Variants in NOA1 observed in about 807,000 individuals in gnomAD.
NOA1 encodes nitric oxide associated 1.
NOA1 carries 35 observed loss-of-function variants against 58.4 expected under a neutral mutation model. The ratio of observed to expected loss-of-function variants is 0.60; its 90% CI spans 0.46 to 0.79. The LOEUF is 0.79. NOA1 is among the 30% of genes least tolerant of loss of function. The probability of loss-of-function intolerance (pLI) is 0.00; values close to 1 mark genes in which losing one functional copy is unlikely to be tolerated. For missense variants in NOA1, 895 were observed against 894.6 expected, an observed-to-expected ratio of 1.00 and a Z score of -0.01; for synonymous variants, 397 against 373.4, an observed-to-expected ratio of 1.06 and a Z score of -0.73.
At chr4:56,976,385 C>A in intron 1 of NOA1, 57 bp downstream of exon 1, 1 of 1,501,898 alleles carries the variant, frequency 6.7e-7, no homozygotes, top group East Asian at 2.3e-5. Context: ...GTGCCTCGGC[C>A]AGGACCAGAC....
intron 1 of NOA1, 66 bp from the exon 2 acceptor site, chr4:56,974,088 G>GCAACTACC: frequency 9.7e-7 from 1 of 1,026,258 alleles, no homozygotes; most frequent in Non-Finnish European, 1.4e-6. Flanking sequence ...GAACATTTTT[G>GCAACTACC]AGGATCTACA....
At position 56,968,414 on chromosome 4, in the gene NOA1, CA is replaced by C; in HGVS notation, c.1616del (p.Leu539TrpfsTer4). Reference protein sequence around the residue: ...FVLKPGMVLFLGAIGRIDFLQ... With the variant: ...FVLKPGMVLFXGAIGRIDFLQ... ...GGAAATCTATGCGGCCTATAGCACCCAAAAACAGAACCATTCCTGGTTTAAG... is the reference window on the plus strand; with the variant it reads ...GGAAATCTATGCGGCCTATAGCACCCAAAACAGAACCATTCCTGGTTTAAG... On this transcript the variant is annotated frameshift_variant, in exon 4 of 7. Coordinates refer to ENST00000264230, the MANE Select transcript of NOA1 (RefSeq NM_032313.4). LOFTEE classifies it high-confidence loss of function. 6.2e-7 allele frequency: 1 copy of C among 1,612,726 alleles called. No homozygotes were observed. Among genetic ancestry groups the C allele is most frequent in the South Asian group, 1.1e-5 (1 of 90,454 alleles).
intron 5 of NOA1, 27 bp downstream of exon 5, chr4:56,966,593 C>A (rs775282099): frequency 6.7e-6 from 9 of 1,346,146 alleles, no homozygotes; most frequent in East Asian, 2.3e-5. Context: ...CTAACCATAA[C>A]CATGCAATCA....
chr4:56,973,651 T>C (rs558585334), intron 2 of NOA1, among the ~76,000 whole-genome samples: 1 of 152,156 alleles, frequency 6.6e-6, no homozygotes, highest in Non-Finnish European at 1.5e-5. Flanking sequence ...AATCTAAAGC[T>C]GCTGCATGGA....
intron 1 of NOA1, among the ~76,000 whole-genome samples, chr4:56,974,904 T>G (rs1721873179): frequency 6.6e-6 from 1 of 151,938 alleles, no homozygotes; most frequent in African/African-American, 2.4e-5. Context: ...AGTTTCACCA[T>G]GTGGGCAGGT....
chr4:56,964,499 C>T lies in NOA1; in HGVS notation c.1792G>A (p.Ala598Thr). 1.2e-6 allele frequency: 2 copies of T among 1,613,876 alleles called. No homozygotes were observed. ...QIPMGGKERM[A>T]GFPPLVAEDI... ...TCAGCAACAAGAGGAGGAAATCCTG[C>T]CATTCGTTCTTTTCCACCCATTGGA... Residue 598 changes from alanine (A) to threonine (T), a missense_variant, in exon 6 of 7, where the codon GCA becomes ACA. Around this residue, in one of 3 missense-constraint regions of NOA1, gnomAD observed 212 missense variants for 221.3 expected, o/e 0.96. Coordinates refer to ENST00000264230, the MANE Select transcript of NOA1 (RefSeq NM_032313.4).
At chr4:56,974,555 G>A (rs931205506) in intron 1 of NOA1, among the ~76,000 whole-genome samples, 1 of 151,892 alleles carries the variant, frequency 6.6e-6, no homozygotes, top group African/African-American at 2.4e-5. Context: ...GGGAGGCTGA[G>A]GCAGGAGAAT....
At chr4:56,967,410 A>G (rs1302613851) in intron 4 of NOA1, among the ~76,000 whole-genome samples, 2 of 151,974 alleles carry the variant, frequency 1.3e-5, no homozygotes, top group Non-Finnish European at 2.9e-5. Context: ...CAAAAAAACA[A>G]AAAACCAACC....
Position 56,976,724 on chromosome 4 carries a change from G to C in NOA1, c.862C>G (p.Arg288Gly). 1 of 1,612,234 alleles carries C rather than the reference G, an allele frequency of 6.2e-7. No individual in the cohort carries two copies. The highest frequency in any genetic ancestry group is 1.1e-5 in the South Asian group (1 of 91,032). Residue 288 changes from arginine to glycine, a missense_variant, in exon 1 of 7, where the codon CGC (arginine) becomes GGC (glycine). Physicochemically the swap from Arg to Gly is moderately radical, Grantham distance 125 (BLOSUM62 -2). This residue lies in a region of NOA1 where 680 missense variants were observed against 656.5 expected (regional missense o/e 1.04). Transcript: ENST00000264230. The stretch of plus-strand genomic sequence containing the variant: ...TCCTGTGGCTCGTCCTTGACGGGGC[G>C]CTGTGGCCCTTGGTGGCCAGGGGCC... ...LLAPGHQGPQRPVKDEPQDGE... is the reference protein window; with the variant it reads ...LLAPGHQGPQGPVKDEPQDGE...
intron 6 of NOA1, 59 bp downstream of exon 6, chr4:56,964,347 G>A: frequency 2.5e-6 from 4 of 1,605,856 alleles, no homozygotes; most frequent in South Asian, 2.2e-5. Flanking sequence ...GATTACAGGT[G>A]TGAGCCACCG....
At chr4:56,975,972 G>C (rs2109621835) in intron 1 of NOA1, among the ~76,000 whole-genome samples, 1 of 152,220 alleles carries the variant, frequency 6.6e-6, no homozygotes, top group African/African-American at 2.4e-5. Flanking sequence ...ACTTGAACCC[G>C]GGAGGCGGAG....
chr4:56,974,812 C>A (rs1387975750), intron 1 of NOA1, among the ~76,000 whole-genome samples: 1 of 151,734 alleles, frequency 6.6e-6, no homozygotes, highest in Non-Finnish European at 1.5e-5. Context: ...AGCGATTCTT[C>A]ACCCTCAGCC....
intron 1 of NOA1, 101 bp from the exon 2 acceptor site, chr4:56,974,123 A>G: frequency 1.3e-6 from 1 of 784,972 alleles, no homozygotes; most frequent in Non-Finnish European, 2.0e-6. Flanking sequence ...GTAATAAAAT[A>G]TAAAATTACT....
Position 56,977,579 on chromosome 4 carries a change from G to T in NOA1, c.7C>A (p.Pro3Thr), listed in dbSNP as rs1209334479. 3.2e-6 allele frequency: 5 copies of T among 1,581,734 alleles called. No individual in the cohort carries two copies. The highest frequency in any genetic ancestry group is 4.3e-6 in the Non-Finnish European group (5 of 1,162,760). Residue 3 changes from proline (P) to threonine (T), a missense_variant, in exon 1 of 7, where the codon CCC becomes ACC. Pro to Thr is a conservative substitution (Grantham distance 38). Coordinates refer to ENST00000264230, the MANE Select transcript of NOA1 (RefSeq NM_032313.4). ML[P>T]ARLPFRLLSL... is the part of the protein sequence containing the mutation. ...AGCAGCCTGAACGGTAGGCGAGCGG[G>T]CAGCATGAGGAAGTAGCTCCAAAGG...
chr4:56,967,835 T>C (rs1382285012), intron 4 of NOA1, among the ~76,000 whole-genome samples: 2 of 152,098 alleles, frequency 1.3e-5, no homozygotes, highest in Admixed American at 1.3e-4. Context: ...CCAAGCTGTG[T>C]AGGGTACTCA....
Position 56,976,745 on chromosome 4 carries a change from G to C in NOA1, c.841C>G (p.Pro281Ala). The C allele has an allele frequency of 6.2e-7, 1 of 1,610,660 alleles. No individual in the cohort carries two copies. Among genetic ancestry groups the C allele is most frequent in the Non-Finnish European group, 8.5e-7 (1 of 1,178,114 alleles). The change falls in exon 1 of 7, where the codon CCT becomes GCT. Residue 281 changes from proline to alanine, a missense_variant. Pro to Ala is a conservative substitution (Grantham distance 27). Transcript: ENST00000264230. Reference sequence around the variant, plus strand: ...GGGCGCTGTGGCCCTTGGTGGCCAGGGGCCAGCAGGAGCCCGGCGCGGGCA... The same window carrying C: ...GGGCGCTGTGGCCCTTGGTGGCCAGCGGCCAGCAGGAGCCCGGCGCGGGCA... Reference protein sequence around the residue: ...DCARAGLLLAPGHQGPQRPVK... With the variant: ...DCARAGLLLAAGHQGPQRPVK...
At chr4:56,974,106 G>A in intron 1 of NOA1, 84 bp from the exon 2 acceptor site, 2 of 924,522 alleles carry the variant, frequency 2.2e-6, no homozygotes, top group Non-Finnish European at 3.3e-6. Context: ...ACACTGTGTT[G>A]GTTACTGTAA....
At chr4:56,969,513 G>C (rs1721776994) in intron 3 of NOA1, among the ~76,000 whole-genome samples, 1 of 152,076 alleles carries the variant, frequency 6.6e-6, no homozygotes, top group South Asian at 2.1e-4. Context: ...CGGAGGTTGT[G>C]GTGAGCCGAG....
In NOA1 at chr4:56,977,168, TC is replaced by T. The variant is rs966496097; in HGVS notation, c.417del (p.Asn140ThrfsTer57). On this transcript the variant is annotated frameshift_variant, in exon 1 of 7. Coordinates refer to ENST00000264230, the MANE Select transcript of NOA1 (RefSeq NM_032313.4). LOFTEE classifies it high-confidence loss of function. Reference sequence around the variant, plus strand: ...AGCTCTGCCCCACAGCCCGAGCAGTTCACGCCGCTGGGCGGCAATGCCGGGT... The same window carrying T: ...AGCTCTGCCCCACAGCCCGAGCAGTTACGCCGCTGGGCGGCAATGCCGGGT... ...HPDPALPPSG[V>X]NCSGCGAELH... The T allele has an allele frequency of 5.1e-6, 8 of 1,559,522 alleles. No individual in the cohort carries two copies. Among genetic ancestry groups the T allele is most frequent in the Non-Finnish European group, 6.9e-6 (8 of 1,156,532 alleles).
Sources: gnomAD v4.1 joint callset for allele counts (sites outside exome capture counted in the v4.1 genomes callset) on GRCh38, gnomAD v4.1.1 for gene constraint, gnomAD v4.1.1 regional missense constraint, MANE v1.5 for transcripts, NCBI Gene and HGNC (gene_info 2026-07-23, HGNC 2026-07-21) for gene names.